Variants in HELQ observed in about 807,000 individuals in gnomAD.
HELQ encodes the protein helicase POLQ-like.
A neutral mutation model predicts 111.6 loss-of-function variants in HELQ; 77 were observed. That is an observed-to-expected ratio of 0.69 (90% CI 0.57 to 0.83). HELQ has a LOEUF of 0.83. HELQ is among the 40% of genes least tolerant of loss of function. The pLI is 0.00. For synonymous variants in HELQ, 438 were observed against 454.7 expected (o/e 0.96, Z 0.47); for missense variants, 1,200 against 1,288.5 (o/e 0.93, Z 1.05).
intron 17 of HELQ, among the ~76,000 whole-genome samples, chr4:83,410,041 A>G (rs1739002775): frequency 6.6e-6 from 1 of 152,078 alleles, no homozygotes; most frequent in Non-Finnish European, 1.5e-5. Context: ...GCTTGAGGCC[A>G]GAAGTTAGAG....
intron 1 of HELQ, 56 bp downstream of exon 1, chr4:83,455,339 CTT>C: frequency 6.3e-7 from 1 of 1,581,384 alleles, no homozygotes; most frequent in Non-Finnish European, 8.6e-7. Flanking sequence ...CTGGTCAACT[CTT>C]TGCATCTGGG....
intron 13 of HELQ, 117 bp downstream of exon 13, chr4:83,427,446 G>C (rs1719905136): frequency 4.1e-6 from 3 of 736,542 alleles, no homozygotes; most frequent in Admixed American, 6.5e-5. Flanking sequence ...CTTGAGCCTA[G>C]GAGTTTGAGA....
chr4:83,455,834 G>A, upstream of HELQ: 9 of 874,452 alleles, frequency 1.0e-5, no homozygotes, highest in South Asian at 1.3e-4. Context: ...AGGGCTCGCG[G>A]ACCGGAAGCA....
At chr4:83,420,134 T>C (rs1395460676) in intron 15 of HELQ, among the ~76,000 whole-genome samples, 1 of 152,168 alleles carries the variant, frequency 6.6e-6, no homozygotes, top group African/African-American at 2.4e-5. Context: ...AAAAAAAGTA[T>C]CTGGATGTAA....
chr4:83,411,981 G>A (rs1350176813), intron 17 of HELQ, among the ~76,000 whole-genome samples: 1 of 152,066 alleles, frequency 6.6e-6, no homozygotes, highest in African/African-American at 2.4e-5. Flanking sequence ...ACTACATATA[G>A]GAAGCACATT....
intron 15 of HELQ, among the ~76,000 whole-genome samples, chr4:83,420,000 G>T (rs1739582889): frequency 6.6e-6 from 1 of 151,966 alleles, no homozygotes; most frequent in South Asian, 2.1e-4. Flanking sequence ...TTTAAATTTA[G>T]AAAACAATTC....
intron 14 of HELQ, among the ~76,000 whole-genome samples, chr4:83,422,210 C>A (rs748851259): frequency 1.4e-4 from 21 of 151,838 alleles, no homozygotes; most frequent in Non-Finnish European, 2.4e-4. Context: ...CAGAGTGAGA[C>A]CCTGTCTCAA....
chr4:83,437,962 T>C (rs1462344283), intron 8 of HELQ, among the ~76,000 whole-genome samples: 2 of 152,216 alleles, frequency 1.3e-5, no homozygotes, highest in East Asian at 1.9e-4. Context: ...TTACCTTGAA[T>C]TACTCTAAGA....
chr4:83,421,766 T>A, intron 14 of HELQ, 30 bp from the exon 15 acceptor site: 1 of 1,564,328 alleles, frequency 6.4e-7, no homozygotes, highest in Non-Finnish European at 8.8e-7. Flanking sequence ...TAAATTCGTT[T>A]ACTAGACCTG....
chr4:83,434,372 T>C (rs1382898835), intron 9 of HELQ, among the ~76,000 whole-genome samples: 2 of 152,142 alleles, frequency 1.3e-5, no homozygotes, highest in Non-Finnish European at 2.9e-5. Flanking sequence ...AGTAAGACTC[T>C]GTCTCACAAA....
Position 83,407,535 on chromosome 4 carries a change from G to T in HELQ, c.3224C>A (p.Ala1075Asp), listed in dbSNP as rs1032846697. Residue 1075 changes from alanine (A) to aspartate (D), a missense_variant, in exon 18 of 18, where the codon GCC becomes GAC. Coordinates refer to ENST00000295488, the MANE Select transcript of HELQ (RefSeq NM_133636.5). ...AKMLLHEKAE[A>D]LQEEVEELLR... The stretch of plus-strand genomic sequence containing the variant: ...TAACTCTTCTACCTCTTCTTGCAGG[G>T]CTTCTGCTTTTTCATGCAACAGCAT... 1.5e-5 allele frequency: 24 copies of T among 1,611,098 alleles called. No homozygotes were observed. Among genetic ancestry groups the T allele is most frequent in the Non-Finnish European group, 2.0e-5 (24 of 1,179,090 alleles).
chr4:83,411,297 CTT>C (rs879362999), intron 17 of HELQ, among the ~76,000 whole-genome samples: 1 of 144,592 alleles, frequency 6.9e-6, no homozygotes, highest in African/African-American at 2.5e-5. Context: ...TGCCTTTGAA[CTT>C]TTTTTTTTTT....
chr4:83,433,309 G>C (rs903186213), intron 9 of HELQ, among the ~76,000 whole-genome samples: 2 of 152,090 alleles, frequency 1.3e-5, no homozygotes. Context: ...GATCAGAAGA[G>C]AACTTTTAAA....
At chr4:83,444,391 A>AT (rs957217101) in intron 5 of HELQ, among the ~76,000 whole-genome samples, 2 of 151,930 alleles carry the variant, frequency 1.3e-5, no homozygotes, top group Non-Finnish European at 2.9e-5. Context: ...TTATTTATTT[A>AT]TTTTTTTGAG....
chr4:83,418,280 G>T, intron 15 of HELQ, 74 bp from the exon 16 acceptor site: 2 of 749,996 alleles, frequency 2.7e-6, no homozygotes, highest in Non-Finnish European at 4.4e-6. Context: ...GTGATAGGGG[G>T]CTCAGAGAGA....
At position 83,427,620 on chromosome 4, in the gene HELQ, T is replaced by C; in HGVS notation, c.2619A>G (p.Thr873=). ...ACTGTGAAACCAGATCATAGGGGGT[T>C]GTTAGGTAGATTAGATGAAGAAGGC... ...LESLLHLIYL[T]TPYDLVSQCN... The change falls in exon 13 of 18, where the codon ACA becomes ACG. Residue 873 remains threonine (T), a synonymous_variant. Coordinates refer to ENST00000295488, the MANE Select transcript of HELQ (RefSeq NM_133636.5). 6.2e-7 allele frequency: 1 copy of C among 1,606,560 alleles called. No individual in the cohort carries two copies. The highest frequency in any genetic ancestry group is 8.5e-7 in the Non-Finnish European group (1 of 1,176,748).
rs1057179262 is a variant in HELQ at position 83,447,753 on chromosome 4, G to C, written c.1192-718C>G. Among the ~76,000 whole-genome samples, 8 of 151,630 alleles carry C rather than the reference G, an allele frequency of 5.3e-5. No individual in the cohort carries two copies. In the South Asian group the frequency reaches 8.3e-4, roughly 16 times the overall value. On this transcript the variant is annotated intron_variant, in intron 3 of 17. Transcript: ENST00000295488. Reference sequence around the variant, plus strand: ...GTGTGCTTGCGATTCTGGCTGCTGGGTGGGGTCGTGGGGCATGAGAATTAC... The same window carrying C: ...GTGTGCTTGCGATTCTGGCTGCTGGCTGGGGTCGTGGGGCATGAGAATTAC...
chr4:83,430,834 T>C (rs1338071829), intron 11 of HELQ, among the ~76,000 whole-genome samples: 1 of 151,348 alleles, frequency 6.6e-6, no homozygotes, highest in African/African-American at 2.4e-5. Context: ...ATGTACTTTG[T>C]TTTTGTACTG....
At chr4:83,420,169 A>C (rs1739591902) in intron 15 of HELQ, among the ~76,000 whole-genome samples, 1 of 152,236 alleles carries the variant, frequency 6.6e-6, no homozygotes, top group Non-Finnish European at 1.5e-5. Flanking sequence ...TTATTGTGCT[A>C]TTTAAAGGAA....
Sources: allele counts gnomAD v4.1 joint callset (sites outside exome capture counted in the v4.1 genomes callset), GRCh38; gene constraint gnomAD v4.1.1; transcripts MANE v1.5; gene names NCBI Gene and HGNC (gene_info 2026-07-23, HGNC 2026-07-21).